GRM3: variants seen among roughly 807,000 people sequenced by gnomAD.
The protein encoded by GRM3 is glutamate metabotropic receptor 3.
In GRM3, 26 loss-of-function variants were observed where a neutral mutation model predicts 70.5. The observed-to-expected ratio is 0.37, with a 90% CI of 0.27 to 0.51. The LOEUF is 0.51. GRM3 is among the 20% of genes least tolerant of loss of function. The probability of loss-of-function intolerance (pLI) is 0.93; values close to 1 mark genes in which losing one functional copy is unlikely to be tolerated. For missense variants in GRM3, 859 were observed against 1,123.8 expected (o/e 0.76, Z 3.37); for synonymous variants, 443 against 434.9 (o/e 1.02, Z -0.23).
In GRM3 at chr7:86,839,866, C is replaced by A; in HGVS notation, c.2352C>A (p.Ala784=). The A allele has an allele frequency of 6.2e-7, 1 of 1,610,924 alleles. No homozygotes were observed. The highest frequency in any genetic ancestry group is 8.5e-7 in the Non-Finnish European group (1 of 1,177,046). The change falls in exon 4 of 6, where the codon GCC becomes GCA. Residue 784 remains alanine (A), a synonymous_variant. Coordinates refer to ENST00000361669, the MANE Select transcript of GRM3 (RefSeq NM_000840.3). This position sits in a 1 kb window ranked among gnomAD's most constrained non-coding sequence, Gnocchi z 4.5. ...TMYTTCIIWL[A]FLPIFYVTSS... is the part of the protein sequence containing the mutation. ...ACACCACGTGCATCATCTGGTTGGCCTTCCTCCCTATATTTTATGTGACAT... is the reference window on the plus strand; with the variant it reads ...ACACCACGTGCATCATCTGGTTGGCATTCCTCCCTATATTTTATGTGACAT...
intron 1 of GRM3, among the ~76,000 whole-genome samples, chr7:86,742,911 G>A (rs1053972147): frequency 6.6e-6 from 1 of 152,084 alleles, no homozygotes; most frequent in Admixed American, 6.6e-5. Flanking sequence ...TGTGACTTGG[G>A]TTTTTAGTTC....
rs1226818079 is a variant in GRM3 at position 86,838,611 on chromosome 7, G to A, written c.1325-228G>A. On this transcript the variant is annotated intron_variant, in intron 3 of 5. Transcript: ENST00000361669. ...TTGTATTGTATTCATGATTATCACC[G>A]GTACTTGGCACCCTTTGATACTCAG... Among the ~76,000 whole-genome samples, 8 of 152,176 alleles carry A rather than the reference G, an allele frequency of 5.3e-5. No homozygotes were observed. In the South Asian group the frequency reaches 1.2e-3, roughly 24 times the overall value.
intron 5 of GRM3, among the ~76,000 whole-genome samples, chr7:86,862,080 A>G (rs1415786477): frequency 6.6e-6 from 1 of 152,224 alleles, no homozygotes; most frequent in Non-Finnish European, 1.5e-5. Context: ...GGTTTGGGCA[A>G]TTGGCCAGAT....
Position 86,827,891 on chromosome 7 carries a change from A to T in GRM3, c.1325-10948A>T, listed in dbSNP as rs548602320. 1.2e-4 allele frequency among the ~76,000 whole-genome samples: 18 copies of T among 152,184 alleles called. No individual in the cohort carries two copies. In the East Asian group the frequency reaches 1.9e-3, roughly 16 times the overall value. ...ACTTTGGGAGGCCAAGGCGGGCGGA[A>T]CACAAGGTCAGGAGATGGAGACCAT... On this transcript the variant is annotated intron_variant, in intron 3 of 5. Transcript: ENST00000361669.
intron 1 of GRM3, among the ~76,000 whole-genome samples, chr7:86,672,762 T>C (rs531417546): frequency 2.1e-4 from 32 of 152,306 alleles, no homozygotes; most frequent in African/African-American, 7.5e-4. Context: ...CTTTTAACCA[T>C]GTCCCCTAAA....
At chr7:86,814,220 A>G (rs570967653) in intron 3 of GRM3, among the ~76,000 whole-genome samples, 2 of 151,896 alleles carry the variant, frequency 1.3e-5, no homozygotes, top group Non-Finnish European at 1.5e-5. Context: ...AAAATCCTTC[A>G]AGCTATTCTT....
chr7:86,732,678 G>A (rs1490796335), intron 1 of GRM3, among the ~76,000 whole-genome samples: 3 of 152,162 alleles, frequency 2.0e-5, no homozygotes, highest in African/African-American at 4.8e-5. Flanking sequence ...GGAACGTAAG[G>A]CTTAAAAAGA....
chr7:86,770,064 T>C (rs1426424115), intron 2 of GRM3, among the ~76,000 whole-genome samples: 1 of 152,154 alleles, frequency 6.6e-6, no homozygotes, highest in Admixed American at 6.6e-5. Flanking sequence ...TGATAATGCT[T>C]GTGCTTTTCG....
At chr7:86,854,189 A>G (rs1464361216) in intron 5 of GRM3, among the ~76,000 whole-genome samples, 3 of 152,210 alleles carry the variant, frequency 2.0e-5, no homozygotes, top group Non-Finnish European at 4.4e-5. Context: ...ACAATCTCGT[A>G]TAATACCAAG....
rs543909610 is a variant in GRM3, at chr7:86,657,594, C to T, written c.-141+12722C>T. The stretch of plus-strand genomic sequence containing the variant: ...GCTCTCAGAGCAGATAAAATGATGG[C>T]TAACATTTCTCCTGTAGGCAGAGGA... On this transcript the variant is annotated intron_variant, in intron 1 of 5. Transcript: ENST00000361669. Among the ~76,000 whole-genome samples, 4 of 152,230 alleles carry T rather than the reference C, an allele frequency of 2.6e-5. No homozygotes were observed. The East Asian group carries it at 7.7e-4, about 29-fold the overall frequency.
At chr7:86,852,014 G>A (rs1476220292) in intron 5 of GRM3, among the ~76,000 whole-genome samples, 1 of 152,124 alleles carries the variant, frequency 6.6e-6, no homozygotes, top group Non-Finnish European at 1.5e-5. Context: ...GTGTGTATGT[G>A]TGTGCTGTCT....
chr7:86,860,229 A>G (rs968966431), intron 5 of GRM3, among the ~76,000 whole-genome samples: 1 of 152,208 alleles, frequency 6.6e-6, no homozygotes, highest in African/African-American at 2.4e-5. Flanking sequence ...AAAGCTCATC[A>G]CAAACATACA....
At chr7:86,725,390 AG>A (rs1283888692) in intron 1 of GRM3, among the ~76,000 whole-genome samples, 1 of 152,152 alleles carries the variant, frequency 6.6e-6, no homozygotes, top group Non-Finnish European at 1.5e-5. Flanking sequence ...AGGGCATGAT[AG>A]CCTCAGGGTA....
At chr7:86,691,235 T>C (rs1046149111) in intron 1 of GRM3, among the ~76,000 whole-genome samples, 3 of 152,170 alleles carry the variant, frequency 2.0e-5, no homozygotes, top group Non-Finnish European at 4.4e-5. Context: ...ATCTTGATCA[T>C]TGCCATTGCC....
rs571765066 is a variant in GRM3 at position 86,661,641 on chromosome 7, T to C, written c.-141+16769T>C. Among the ~76,000 whole-genome samples the C allele has an allele frequency of 1.6e-3, 241 of 152,110 alleles. 1 individual carries two copies. Among genetic ancestry groups the C allele is most frequent in the African/African-American group, 5.4e-3 (223 of 41,568 alleles). ...ATTAAAGAAGCAAAGCATTCTTGGA[T>C]AATTTTTAGAAGAAAAAATTACTCT... is the stretch of plus-strand genomic sequence containing the variant. On this transcript the variant is annotated intron_variant, in intron 1 of 5. Coordinates refer to ENST00000361669, the MANE Select transcript of GRM3 (RefSeq NM_000840.3).
intron 1 of GRM3, among the ~76,000 whole-genome samples, chr7:86,753,754 A>G (rs1796283113): frequency 6.6e-6 from 1 of 152,138 alleles, no homozygotes; most frequent in African/African-American, 2.4e-5. Flanking sequence ...TTTTCTAGGA[A>G]TGGATTTTAT....
intron 1 of GRM3, among the ~76,000 whole-genome samples, chr7:86,662,205 C>A (rs1372310507): frequency 6.6e-6 from 1 of 151,624 alleles, no homozygotes; most frequent in Admixed American, 6.6e-5. Flanking sequence ...TTGAAAACAC[C>A]TCATTAACAG....
intron 1 of GRM3, among the ~76,000 whole-genome samples, chr7:86,713,539 G>T (rs781544409): frequency 6.6e-5 from 10 of 151,746 alleles, no homozygotes; most frequent in Non-Finnish European, 1.2e-4. Flanking sequence ...TATTGTCTCA[G>T]TCTGACACAA....
chr7:86,814,728 A>G (rs1252015955), intron 3 of GRM3, among the ~76,000 whole-genome samples: 2 of 151,330 alleles, frequency 1.3e-5, no homozygotes, highest in Admixed American at 6.6e-5. Context: ...CTGAGGGTGG[A>G]GTTAGGCTCT....
Sources: gnomAD v4.1 joint callset for allele counts (sites outside exome capture counted in the v4.1 genomes callset) on GRCh38, gnomAD v4.1.1 for gene constraint, Gnocchi (gnomAD v3.1) non-coding constraint, MANE v1.5 for transcripts, NCBI Gene and HGNC (gene_info 2026-07-23, HGNC 2026-07-21) for gene names.